UBL3: variants seen among roughly 807,000 people sequenced by gnomAD.
UBL3 encodes ubiquitin like 3, also known as ubiquitin-like protein 3.
In UBL3, 6 loss-of-function variants were observed where a neutral mutation model predicts 18.4. The observed-to-expected ratio is 0.33, with a 90% CI of 0.18 to 0.64. The LOEUF (loss-of-function observed/expected upper bound fraction) is 0.64. Among genes scored for constraint, UBL3 ranks in the 30% least tolerant of loss-of-function variants. The probability of loss-of-function intolerance (pLI) is 0.76; values close to 1 mark genes in which losing one functional copy is unlikely to be tolerated. For synonymous variants in UBL3, 49 were observed against 46.6 expected, an observed-to-expected ratio of 1.05 and a Z score of -0.21; for missense variants, 109 against 142.9, an observed-to-expected ratio of 0.76 and a Z score of 1.21.
intron 1 of UBL3, among the ~76,000 whole-genome samples, chr13:29,817,237 A>G (rs1450845002): frequency 1.3e-5 from 2 of 152,190 alleles, no homozygotes; most frequent in Non-Finnish European, 2.9e-5. Flanking sequence ...TCTGAATGTC[A>G]TTTGGGGAAG....
intron 2 of UBL3, among the ~76,000 whole-genome samples, chr13:29,774,704 A>G (rs1347597931): frequency 6.6e-6 from 1 of 152,098 alleles, no homozygotes; most frequent in Non-Finnish European, 1.5e-5. Context: ...AGGCCTATGA[A>G]TCCACCAAGA....
At chr13:29,783,384 T>C (rs1425579508) in intron 1 of UBL3, among the ~76,000 whole-genome samples, 2 of 152,244 alleles carry the variant, frequency 1.3e-5, no homozygotes, top group African/African-American at 4.8e-5. Context: ...CCTATGCTTA[T>C]ATCTATGAGA....
intron 1 of UBL3, among the ~76,000 whole-genome samples, chr13:29,845,504 G>T (rs1879207932): frequency 6.6e-6 from 1 of 151,966 alleles, no homozygotes; most frequent in African/African-American, 2.4e-5. Context: ...CTATTTTCTG[G>T]ACCTTTTCCT....
intron 1 of UBL3, among the ~76,000 whole-genome samples, chr13:29,827,304 T>C (rs1024672967): frequency 2.0e-5 from 3 of 152,208 alleles, no homozygotes; most frequent in Non-Finnish European, 4.4e-5. Flanking sequence ...CCCATTGTTA[T>C]TGTGTGGGAG....
chr13:29,793,948 G>A (rs1299707320), intron 1 of UBL3, among the ~76,000 whole-genome samples: 1 of 152,122 alleles, frequency 6.6e-6, no homozygotes, highest in African/African-American at 2.4e-5. Flanking sequence ...AGGTTCAAGA[G>A]ATTTTCCTGC....
At position 29,764,743 on chromosome 13, in the gene UBL3, T is replaced by C. The variant is rs1305752624; in HGVS notation, c.*2512A>G. On this transcript the variant is annotated 3_prime_UTR_variant, in exon 5 of 5. Coordinates refer to ENST00000380680, the MANE Select transcript of UBL3 (RefSeq NM_007106.4). Reference sequence around the variant, plus strand: ...GAGACACCAGCGTTAGGCAGGGACATAGGCTCATCATTCAGGCTTTATGTA... The same window carrying C: ...GAGACACCAGCGTTAGGCAGGGACACAGGCTCATCATTCAGGCTTTATGTA... The C allele has an allele frequency of 6.6e-6, 1 of 152,188 alleles. No homozygotes were observed. Among genetic ancestry groups the C allele is most frequent in the African/African-American group, 2.4e-5 (1 of 41,444 alleles). The allele number at this position is 152,188 out of a possible 1,614,324, so 9.4% of individuals were successfully genotyped here.
rs1457317241 is a variant in UBL3 at position 29,765,745 on chromosome 13, CAAT to C, written c.*1507_*1509del. 1 of 152,446 alleles carries C rather than the reference CAAT, an allele frequency of 6.6e-6. No homozygotes were observed. Among genetic ancestry groups the C allele is most frequent in the Non-Finnish European group, 1.5e-5 (1 of 67,948 alleles). The allele number at this position is 152,446 out of a possible 1,614,324, so 9.4% of individuals were successfully genotyped here. ...CAAATTTAATTCTGATCAGTATGAACAATATTTTCGTAGATCTACTGCATATAA... is the reference window on the plus strand; with the variant it reads ...CAAATTTAATTCTGATCAGTATGAACATTTTCGTAGATCTACTGCATATAA... On this transcript the variant is annotated 3_prime_UTR_variant, in exon 5 of 5. Coordinates refer to ENST00000380680, the MANE Select transcript of UBL3 (RefSeq NM_007106.4).
At chr13:29,847,840 G>A (rs1026763961) in intron 1 of UBL3, among the ~76,000 whole-genome samples, 1 of 152,166 alleles carries the variant, frequency 6.6e-6, no homozygotes, top group Non-Finnish European at 1.5e-5. Context: ...TTCAAGAGCA[G>A]TATGGAGGAA....
At chr13:29,769,131 G>A (rs1282509488) in intron 3 of UBL3, among the ~76,000 whole-genome samples, 2 of 152,022 alleles carry the variant, frequency 1.3e-5, no homozygotes, top group Non-Finnish European at 2.9e-5. Context: ...CACAGAACTT[G>A]GTACAAAGAA....
intron 1 of UBL3, among the ~76,000 whole-genome samples, chr13:29,827,797 T>C (rs1180048661): frequency 2.0e-5 from 3 of 152,242 alleles, no homozygotes; most frequent in East Asian, 1.9e-4. Flanking sequence ...CTATTTGGCA[T>C]GTTTTTGCAG....
intron 1 of UBL3, among the ~76,000 whole-genome samples, chr13:29,786,436 T>TA (rs1462603353): frequency 6.6e-6 from 1 of 152,174 alleles, no homozygotes; most frequent in Non-Finnish European, 1.5e-5. Context: ...GGAATGGCAT[T>TA]AAAAAATCCT....
chr13:29,831,995 T>C (rs982107591), intron 1 of UBL3, among the ~76,000 whole-genome samples: 1 of 152,102 alleles, frequency 6.6e-6, no homozygotes, highest in South Asian at 2.1e-4. Context: ...AAGTGCCCAA[T>C]AGACACAAGT....
chr13:29,788,870 T>TGCGC (rs1555232763), intron 1 of UBL3, among the ~76,000 whole-genome samples: 19 of 20,930 alleles, frequency 9.1e-4, no homozygotes, highest in Admixed American at 6.4e-3. Context: ...TGTGTGTGTG[T>TGCGC]GCGCGCGCGC....
chr13:29,811,024 G>A lies in UBL3; in HGVS notation c.28-33761C>T, dbSNP rs1878065379. Among the ~76,000 whole-genome samples, 5 of 152,022 alleles carry A rather than the reference G, an allele frequency of 3.3e-5. No homozygotes were observed. The South Asian group carries it at 1.0e-3, about 32-fold the overall frequency. ...ACAGGTTAAAGTACCTGGGGAGGAA[G>A]GGTCATTTCTCAAAGCACTGCTAGG... On this transcript the variant is annotated intron_variant, in intron 1 of 4. Coordinates refer to ENST00000380680, the MANE Select transcript of UBL3 (RefSeq NM_007106.4).
intron 1 of UBL3, among the ~76,000 whole-genome samples, chr13:29,843,672 A>C (rs1289221828): frequency 2.0e-5 from 3 of 152,366 alleles, no homozygotes; most frequent in South Asian, 2.1e-4. Context: ...GAATGTTTAC[A>C]AATTAAAATG....
Position 29,794,947 on chromosome 13 carries a change from T to C in UBL3, c.28-17684A>G, listed in dbSNP as rs149001906. On this transcript the variant is annotated intron_variant, in intron 1 of 4. Coordinates refer to ENST00000380680, the MANE Select transcript of UBL3 (RefSeq NM_007106.4). Reference sequence around the variant, plus strand: ...GAATTAAATGCATGCATAAAGACTATAAAATAACAAAGGCAGAATTCTACT... The same window carrying C: ...GAATTAAATGCATGCATAAAGACTACAAAATAACAAAGGCAGAATTCTACT... 1.9e-3 allele frequency among the ~76,000 whole-genome samples: 291 copies of C among 152,312 alleles called. 2 individuals carry two copies. Among genetic ancestry groups the C allele is most frequent in the African/African-American group, 6.8e-3 (283 of 41,574 alleles).
At chr13:29,819,791 C>A (rs927260943) in intron 1 of UBL3, among the ~76,000 whole-genome samples, 1 of 152,078 alleles carries the variant, frequency 6.6e-6, no homozygotes, top group African/African-American at 2.4e-5. Flanking sequence ...ACCGCCCCCA[C>A]CCCCAAGAAT....
At chr13:29,839,457 T>C (rs1284209316) in intron 1 of UBL3, among the ~76,000 whole-genome samples, 2 of 152,180 alleles carry the variant, frequency 1.3e-5, no homozygotes, top group African/African-American at 2.4e-5. Flanking sequence ...GGGAATTTCA[T>C]ATACATTTTT....
chr13:29,808,388 CAT>C (rs1230185887), intron 1 of UBL3, among the ~76,000 whole-genome samples: 1 of 152,116 alleles, frequency 6.6e-6, no homozygotes, highest in Non-Finnish European at 1.5e-5. Context: ...CCACCTCACA[CAT>C]ATGATTTATG....
Sources: gnomAD v4.1 joint callset for allele counts (sites outside exome capture counted in the v4.1 genomes callset) on GRCh38, gnomAD v4.1.1 for gene constraint, MANE v1.5 for transcripts, NCBI Gene and HGNC (gene_info 2026-07-23, HGNC 2026-07-21) for gene names.